The following CDH12 variants were observed in gnomAD, a reference collection of about 807,000 sequenced individuals.
The protein encoded by CDH12 is cadherin 12.
Under a neutral mutation model 74.1 loss-of-function variants are expected in CDH12, and 41 were observed. The observed-to-expected ratio is 0.55, with a 90% CI of 0.43 to 0.72. CDH12 has a LOEUF of 0.72. Among genes scored for constraint, CDH12 ranks in the 30% least tolerant of loss-of-function variants. The pLI, the probability that CDH12 is intolerant of heterozygous loss-of-function variation, is 0.00. For missense variants in CDH12, 945 were observed against 977.2 expected, an observed-to-expected ratio of 0.97 and a Z score of 0.44; for synonymous variants, 399 against 355.0, an observed-to-expected ratio of 1.12 and a Z score of -1.39.
At chr5:22,703,093 T>A (rs1350563958) in intron 1 of CDH12, among the ~76,000 whole-genome samples, 1 of 152,268 alleles carries the variant, frequency 6.6e-6, no homozygotes, top group East Asian at 1.9e-4. Context: ...CCCACATCTT[T>A]GACATTTATT....
chr5:22,118,365 A>G (rs541127991), intron 4 of CDH12, among the ~76,000 whole-genome samples: 3 of 152,108 alleles, frequency 2.0e-5, no homozygotes, highest in Non-Finnish European at 2.9e-5. Context: ...AGCCTTTTAC[A>G]TATCTCGGAA....
At chr5:22,153,198 T>TTC (rs1747728786) in intron 4 of CDH12, among the ~76,000 whole-genome samples, 1 of 150,874 alleles carries the variant, frequency 6.6e-6, no homozygotes, top group South Asian at 2.1e-4. Flanking sequence ...TTTTTTTTTT[T>TTC]AGAAACCTCC....
chr5:22,389,104 C>T (rs1742123247), intron 3 of CDH12, among the ~76,000 whole-genome samples: 3 of 152,128 alleles, frequency 2.0e-5, no homozygotes, highest in Non-Finnish European at 4.4e-5. Context: ...AACTAATGTC[C>T]ATTTCCTTTA....
rs147014864 is a variant in CDH12, at chr5:22,131,946, G to T, written c.-186-53084C>A. 7.2e-3 allele frequency among the ~76,000 whole-genome samples: 1,093 copies of T among 152,198 alleles called. 3 individuals carry two copies. Among genetic ancestry groups the T allele is most frequent in the Non-Finnish European group, 0.011 (719 of 67,992 alleles). On this transcript the variant is annotated intron_variant, in intron 4 of 14. Coordinates refer to ENST00000382254, the MANE Select transcript of CDH12 (RefSeq NM_004061.5). Reference sequence around the variant, plus strand: ...ACACAGCAGTGGGCATGATTAGGAGGCAAAAAGCTATGGAAAGGAAAACTT... The same window carrying T: ...ACACAGCAGTGGGCATGATTAGGAGTCAAAAAGCTATGGAAAGGAAAACTT...
intron 2 of CDH12, among the ~76,000 whole-genome samples, chr5:22,431,657 CT>C (rs1744179205): frequency 6.6e-6 from 1 of 152,166 alleles, no homozygotes; most frequent in Admixed American, 6.6e-5. Flanking sequence ...GTAAGTGCCC[CT>C]GGGACAAGAT....
chr5:21,794,055 T>C (rs1385033028), intron 10 of CDH12, among the ~76,000 whole-genome samples: 3 of 151,608 alleles, frequency 2.0e-5, no homozygotes, highest in East Asian at 3.9e-4. Flanking sequence ...ACTAATAAAA[T>C]ATAGCATGTA....
chr5:21,883,814 G>A, intron 6 of CDH12: 6 of 1,597,750 alleles, frequency 3.8e-6, no homozygotes, highest in Non-Finnish European at 5.1e-6. Flanking sequence ...AGTTTGGTGG[G>A]ACAAGTGATG....
intron 1 of CDH12, among the ~76,000 whole-genome samples, chr5:22,511,562 T>C (rs1481266349): frequency 1.3e-5 from 2 of 152,138 alleles, no homozygotes; most frequent in African/African-American, 2.4e-5. Context: ...AAAAAGATAA[T>C]AAAGATAATG....
At chr5:22,587,633 C>T (rs920214131) in intron 1 of CDH12, among the ~76,000 whole-genome samples, 10 of 152,106 alleles carry the variant, frequency 6.6e-5, no homozygotes, top group African/African-American at 1.7e-4. Flanking sequence ...TAACACTGCA[C>T]TAGTATGTGT....
chr5:22,675,326 C>T (rs1442013704), intron 1 of CDH12, among the ~76,000 whole-genome samples: 2 of 152,136 alleles, frequency 1.3e-5, no homozygotes, highest in Non-Finnish European at 2.9e-5. Context: ...TGGCAGCTTC[C>T]AAGTGGTGTT....
At position 22,142,505 on chromosome 5, in the gene CDH12, G is replaced by C. The variant is rs974159232; in HGVS notation, c.-186-63643C>G. 7 of 666,140 alleles carry C rather than the reference G, an allele frequency of 1.1e-5. No homozygotes were observed. The African/African-American group carries it at 1.1e-4, about 10-fold the overall frequency. 41.3% of individuals were successfully genotyped at this position (666,140 alleles called of 1,614,324 possible). On this transcript the variant is annotated intron_variant, in intron 4 of 14. Transcript: ENST00000382254. Reference sequence around the variant, plus strand: ...AGCTGAGAATGGGGTTCAGGATACCGAATCAACACAAGAAAAGAGAGAAAC... The same window carrying C: ...AGCTGAGAATGGGGTTCAGGATACCCAATCAACACAAGAAAAGAGAGAAAC...
intron 1 of CDH12, among the ~76,000 whole-genome samples, chr5:22,635,765 T>G (rs1484021504): frequency 1.3e-5 from 2 of 151,862 alleles, no homozygotes; most frequent in Non-Finnish European, 2.9e-5. Flanking sequence ...AATACAAAAA[T>G]TAGCTGGGCG....
chr5:22,236,170 C>T (rs1752552870), intron 3 of CDH12, among the ~76,000 whole-genome samples: 1 of 152,174 alleles, frequency 6.6e-6, no homozygotes, highest in Non-Finnish European at 1.5e-5. Context: ...AGGCCTAGGC[C>T]ATTACACATG....
At chr5:21,863,492 C>A (rs1359186765) in intron 6 of CDH12, among the ~76,000 whole-genome samples, 1 of 152,108 alleles carries the variant, frequency 6.6e-6, no homozygotes, top group Admixed American at 6.6e-5. Flanking sequence ...ATACACCCAG[C>A]ACCTAGCAGA....
chr5:22,050,698 T>C (rs1396614298), intron 5 of CDH12, among the ~76,000 whole-genome samples: 3 of 152,128 alleles, frequency 2.0e-5, no homozygotes, highest in Non-Finnish European at 2.9e-5. Context: ...TTTAAACTCT[T>C]TTCTGTGGCA....
intron 12 of CDH12, among the ~76,000 whole-genome samples, chr5:21,761,951 A>G (rs1175430838): frequency 1.3e-5 from 2 of 152,176 alleles, no homozygotes; most frequent in Non-Finnish European, 2.9e-5. Context: ...TTCATTATTC[A>G]GCACCAAAGC....
intron 1 of CDH12, among the ~76,000 whole-genome samples, chr5:22,696,081 T>C (rs1174485986): frequency 6.6e-6 from 1 of 152,110 alleles, no homozygotes; most frequent in East Asian, 1.9e-4. Context: ...AAAAACATTA[T>C]TTTTCAGCTG....
chr5:22,634,766 A>C (rs1194811017), intron 1 of CDH12, among the ~76,000 whole-genome samples: 1 of 152,158 alleles, frequency 6.6e-6, no homozygotes, highest in African/African-American at 2.4e-5. Context: ...ATTAAGAAAA[A>C]ATAAATTCCT....
chr5:22,089,573 T>C (rs1244703733), intron 4 of CDH12, among the ~76,000 whole-genome samples: 1 of 152,050 alleles, frequency 6.6e-6, no homozygotes, highest in Non-Finnish European at 1.5e-5. Flanking sequence ...ATTACAGAGA[T>C]GAAAAATAGA....
Sources: allele counts gnomAD v4.1 joint callset (sites outside exome capture counted in the v4.1 genomes callset), GRCh38; gene constraint gnomAD v4.1.1; transcripts MANE v1.5; gene names NCBI Gene and HGNC (gene_info 2026-07-23, HGNC 2026-07-21).